The following FANCA variants were observed in gnomAD, a reference collection of about 807,000 sequenced individuals.
The protein encoded by FANCA is FA complementation group A.
A neutral mutation model predicts 194.3 loss-of-function variants in FANCA; 236 were observed. The ratio of observed to expected loss-of-function variants is 1.21; its 90% CI spans 1.09 to 1.35. The LOEUF is 1.35. Ranked by LOEUF, FANCA falls within the 40% of genes most tolerant of loss-of-function variation. FANCA has a pLI of 0.00. For missense variants in FANCA, 2,628 were observed against 1,813.9 expected (o/e 1.45, Z -8.15); for synonymous variants, 1,014 against 715.8 (o/e 1.42, Z -6.65).
rs1427664555 is a variant in FANCA, at chr16:89,773,287, G to T, written c.1998C>A (p.Asp666Glu). Residue 666 changes from aspartate (D) to glutamate (E), a missense_variant, in exon 22 of 43, where the codon GAC (aspartate) becomes GAA (glutamate). Transcript: ENST00000389301. ...CATCCTCACCATCACGCTGGCTGGG[G>T]TCTGTCATGGAGGCTCTCAGCTCTC... ...ALGELRASMT[D>E]PSQRDVISAQ... 6.4e-7 allele frequency: 1 copy of T among 1,551,020 alleles called. No individual in the cohort carries two copies. Among genetic ancestry groups the T allele is most frequent in the South Asian group, 1.2e-5 (1 of 84,052 alleles).
intron 20 of FANCA, chr16:89,778,401 G>A (rs527962881): frequency 2.8e-6 from 1 of 360,802 alleles, no homozygotes; most frequent in African/African-American, 2.3e-5. Flanking sequence ...AGGAGGCAGA[G>A]CTTGCAGTGA....
chr16:89,805,067 T>C (rs139689656), intron 7 of FANCA, among the ~76,000 whole-genome samples: 118 of 152,086 alleles, frequency 7.8e-4, no homozygotes, highest in African/African-American at 2.7e-3. Context: ...TGGAAACACT[T>C]AAACTCATGT....
At chr16:89,773,014 A>G (rs1358050447) in intron 22 of FANCA, among the ~76,000 whole-genome samples, 1 of 152,142 alleles carries the variant, frequency 6.6e-6, no homozygotes, top group African/African-American at 2.4e-5. Flanking sequence ...CTTCTCTATC[A>G]TCATTCGTCC....
Position 89,801,427 on chromosome 16 carries a change from T to C in FANCA, c.793-1789A>G, listed in dbSNP as rs137903243. ...ACAATGAGCTATTATTTCACTCCAGTTAGAATTATCATTATCAAGAAAACA... is the reference window on the plus strand; with the variant it reads ...ACAATGAGCTATTATTTCACTCCAGCTAGAATTATCATTATCAAGAAAACA... On this transcript the variant is annotated intron_variant, in intron 8 of 42. Coordinates refer to ENST00000389301, the MANE Select transcript of FANCA (RefSeq NM_000135.4). Among the ~76,000 whole-genome samples, 32 of 151,830 alleles carry C rather than the reference T, an allele frequency of 2.1e-4. 1 individual carries two copies. The highest frequency in any genetic ancestry group is 3.4e-3 in the Middle Eastern group (1 of 292).
At chr16:89,795,145 C>A (rs1017172924) in intron 11 of FANCA, among the ~76,000 whole-genome samples, 8 of 150,008 alleles carry the variant, frequency 5.3e-5, no homozygotes, top group African/African-American at 2.0e-4. Context: ...ATTAGCCGGG[C>A]ATGGTGGCAC....
intron 27 of FANCA, among the ~76,000 whole-genome samples, chr16:89,766,531 G>A (rs371237144): frequency 4.0e-5 from 6 of 151,762 alleles, no homozygotes; most frequent in African/African-American, 1.5e-4. Context: ...CCAACATGGT[G>A]AAACCCTATC....
intron 17 of FANCA, among the ~76,000 whole-genome samples, chr16:89,781,189 C>A (rs1294400256): frequency 6.6e-6 from 1 of 151,110 alleles, no homozygotes; most frequent in Non-Finnish European, 1.5e-5. Flanking sequence ...ACGGTGAAAC[C>A]CCATCTCTAC....
In FANCA at chr16:89,810,762, A is replaced by C. The variant is rs1419169954; in HGVS notation, c.467T>G (p.Leu156Trp). Residue 156 changes from leucine (L) to tryptophan (W), a missense_variant, in exon 5 of 43, where the codon TTG (leucine) becomes TGG (tryptophan). By Grantham distance (61) the Leu-to-Trp change is moderately conservative. Coordinates refer to ENST00000389301, the MANE Select transcript of FANCA (RefSeq NM_000135.4). ...SSLLEFAQYL[L>W]AHSMFSRLSF... is the part of the protein sequence containing the mutation. ...AAGACGGGAGAACATACTGTGTGCC[A>C]ATAAATACTGAGCAAACTCTAACAG... 1 of 1,613,780 alleles carries C rather than the reference A, an allele frequency of 6.2e-7. No homozygotes were observed. Among genetic ancestry groups the C allele is most frequent in the South Asian group, 1.1e-5 (1 of 91,078 alleles).
rs531283267 is a variant in FANCA at position 89,782,297 on chromosome 16, G to A, written c.1626+562C>T. On this transcript the variant is annotated intron_variant, in intron 17 of 42. Coordinates refer to ENST00000389301, the MANE Select transcript of FANCA (RefSeq NM_000135.4). ...GAGGCCAAGGCGGGCGGATCACAAG[G>A]TCAGGAGATTGAGACCATTCTGGCT... Among the ~76,000 whole-genome samples the A allele has an allele frequency of 6.7e-4, 101 of 151,750 alleles. 1 individual carries two copies. Among genetic ancestry groups the A allele is most frequent in the Admixed American group, 2.8e-3 (42 of 15,208 alleles).
intron 24 of FANCA, 46 bp from the exon 25 acceptor site, chr16:89,770,305 G>C: frequency 6.8e-7 from 1 of 1,473,102 alleles, no homozygotes; most frequent in Non-Finnish European, 9.3e-7. Flanking sequence ...ATTCAGTCCT[G>C]CACATCCCTC....
chr16:89,792,714 C>G (rs1039125817), intron 11 of FANCA, 167 bp from the exon 12 acceptor site: 1 of 609,154 alleles, frequency 1.6e-6, no homozygotes, highest in Non-Finnish European at 3.0e-6. Flanking sequence ...GACAGCTGGG[C>G]CCGGGGGACC....
rs905886601 is a variant in FANCA, at chr16:89,738,338, G to A, written c.*263C>T. ...TCGTGTGCACCCGCATGGGAGGGTC[G>A]GAGGGTGCTGCCCGCCCTTGGTGCT... On this transcript the variant is annotated 3_prime_UTR_variant, in exon 43 of 43. Coordinates refer to ENST00000389301, the MANE Select transcript of FANCA (RefSeq NM_000135.4). 27 of 1,494,146 alleles carry A rather than the reference G, an allele frequency of 1.8e-5. 1 individual carries two copies. Among genetic ancestry groups the A allele is most frequent in the South Asian group, 9.0e-5 (7 of 77,404 alleles). 92.6% of individuals were successfully genotyped at this position (1,494,146 alleles called of 1,614,324 possible). A position where few individuals can be genotyped will look rare whatever the true frequency, so the allele number is the denominator to read the frequency against.
chr16:89,770,339 G>A (rs901417698), intron 24 of FANCA, 80 bp from the exon 25 acceptor site: 13 of 1,334,760 alleles, frequency 9.7e-6, no homozygotes, highest in Middle Eastern at 2.4e-4. Context: ...AACCACCAGC[G>A]GCCGAAGAAA....
At position 89,774,729 on chromosome 16, in the gene FANCA, C is replaced by CAAAAAAAAAAAAAAAA. The variant is rs780078944; in HGVS notation, c.1900+997_1900+1012dup. Among the ~76,000 whole-genome samples the CAAAAAAAAAAAAAAAA allele has an allele frequency of 3.3e-3, 73 of 22,192 alleles. 13 individuals carry two copies. Among genetic ancestry groups the CAAAAAAAAAAAAAAAA allele is most frequent in the Non-Finnish European group, 5.5e-3 (68 of 12,278 alleles). 14.6% of individuals were successfully genotyped at this position (22,192 alleles called of 152,430 possible). On this transcript the variant is annotated intron_variant, in intron 21 of 42. Transcript: ENST00000389301. ...TGGGCAACAGAGCGAGACTCTGTCT[C>CAAAAAAAAAAAAAAAA]AAAAAAAAAAAAAAAAAAAAAAAAA...
intron 20 of FANCA, among the ~76,000 whole-genome samples, chr16:89,777,191 G>T (rs1260360607): frequency 1.3e-5 from 2 of 151,878 alleles, no homozygotes; most frequent in African/African-American, 4.8e-5. Flanking sequence ...TGCTACTTGG[G>T]AGGCGGAGGG....
At chr16:89,760,196 C>T (rs1240662170) in intron 29 of FANCA, among the ~76,000 whole-genome samples, 1 of 152,268 alleles carries the variant, frequency 6.6e-6, no homozygotes, top group African/African-American at 2.4e-5. Flanking sequence ...TGACCTCCTC[C>T]TTAGACTCCA....
At chr16:89,799,080 C>G in intron 10 of FANCA, 86 bp downstream of exon 10, 1 of 1,614,200 alleles carries the variant, frequency 6.2e-7, no homozygotes, top group South Asian at 1.1e-5. Context: ...TGCTGAAGCT[C>G]TGGAAGTGTT....
chr16:89,808,861 C>T (rs1259338219), intron 5 of FANCA, among the ~76,000 whole-genome samples: 1 of 152,080 alleles, frequency 6.6e-6, no homozygotes, highest in Non-Finnish European at 1.5e-5. Flanking sequence ...TGTCACACTG[C>T]CCTGATCTCC....
intron 21 of FANCA, among the ~76,000 whole-genome samples, 179 bp downstream of exon 21, chr16:89,775,563 T>C (rs577787819): frequency 2.0e-5 from 3 of 152,200 alleles, no homozygotes; most frequent in South Asian, 4.1e-4. Context: ...CAGGTAAGAG[T>C]CTGTGCCACA....
Sources: allele counts gnomAD v4.1 joint callset (sites outside exome capture counted in the v4.1 genomes callset), GRCh38; gene constraint gnomAD v4.1.1; transcripts MANE v1.5; gene names NCBI Gene and HGNC (gene_info 2026-07-23, HGNC 2026-07-21).